SPMIP2: variants seen among roughly 807,000 people sequenced by gnomAD.
The protein encoded by SPMIP2 is protein SPMIP2.
the SPMIP2 span, among the ~76,000 whole-genome samples, chr4:158,928,224 A>C: frequency 6.6e-6 from 1 of 152,214 alleles, no homozygotes; most frequent in African/African-American, 2.4e-5. Flanking sequence ...TAAATACACC[A>C]GTCAGCACAC....
chr4:158,957,675 T>G, the SPMIP2 span, among the ~76,000 whole-genome samples: 1 of 152,176 alleles, frequency 6.6e-6, no homozygotes, highest in African/African-American at 2.4e-5. Flanking sequence ...ATCACCCACC[T>G]TGGCCTCCCA....
chr4:159,078,247 T>C, the SPMIP2 span, among the ~76,000 whole-genome samples: 2 of 152,338 alleles, frequency 1.3e-5, no homozygotes, highest in Non-Finnish European at 2.9e-5. Flanking sequence ...GCACCAAAGC[T>C]TGCTCTGAGA....
At chr4:159,003,567 G>A in the SPMIP2 span, among the ~76,000 whole-genome samples, 49 of 152,208 alleles carry the variant, frequency 3.2e-4, no homozygotes, top group Non-Finnish European at 2.8e-4. Flanking sequence ...ATTGTAGGCT[G>A]TACAGTACGG....
At chr4:158,921,104 C>T in the SPMIP2 span, among the ~76,000 whole-genome samples, 2 of 151,970 alleles carry the variant, frequency 1.3e-5, no homozygotes, top group South Asian at 4.2e-4. Flanking sequence ...GATAATCCCC[C>T]TAGTGCTGTC....
At chr4:159,060,839 CTT>C in the SPMIP2 span, among the ~76,000 whole-genome samples, 1 of 152,140 alleles carries the variant, frequency 6.6e-6, no homozygotes, top group Non-Finnish European at 1.5e-5. Context: ...AGTGCCAGCA[CTT>C]TGGGAGGCCG....
At chr4:158,930,894 G>A in the SPMIP2 span, among the ~76,000 whole-genome samples, 3 of 151,842 alleles carry the variant, frequency 2.0e-5, no homozygotes, top group African/African-American at 7.3e-5. Context: ...GTTTGACTGT[G>A]ATGAATCTTT....
the SPMIP2 span, among the ~76,000 whole-genome samples, chr4:159,013,386 C>T: frequency 6.6e-6 from 1 of 152,190 alleles, no homozygotes; most frequent in Non-Finnish European, 1.5e-5. Flanking sequence ...TAAGAAAATA[C>T]CACAGACTGG....
chr4:158,964,191 AAAC>A, the SPMIP2 span, among the ~76,000 whole-genome samples: 1 of 144,652 alleles, frequency 6.9e-6, no homozygotes, highest in African/African-American at 2.5e-5. Context: ...ACAAAACAAA[AAAC>A]ATGTGGAGGG....
the SPMIP2 span, among the ~76,000 whole-genome samples, chr4:159,040,606 G>A: frequency 2.0e-5 from 3 of 151,956 alleles, no homozygotes; most frequent in African/African-American, 7.3e-5. Context: ...GCTGAGATTA[G>A]AGGTGTGTAC....
chr4:159,070,278 A>C, the SPMIP2 span, among the ~76,000 whole-genome samples: 1 of 152,238 alleles, frequency 6.6e-6, no homozygotes, highest in South Asian at 2.1e-4. Context: ...GAATACAGTG[A>C]AGTCAGAAAA....
At chr4:159,054,230 G>A in the SPMIP2 span, among the ~76,000 whole-genome samples, 176 of 152,150 alleles carry the variant, frequency 1.2e-3, no homozygotes, top group African/African-American at 4.0e-3. Flanking sequence ...TGAACCTCCC[G>A]CCTTGACCTC....
the SPMIP2 span, among the ~76,000 whole-genome samples, chr4:159,050,377 T>A: frequency 1.4e-5 from 2 of 141,006 alleles, no homozygotes; most frequent in Admixed American, 7.5e-5. Flanking sequence ...CATGATAGTG[T>A]GAGTATAATA....
chr4:158,946,452 C>T, the SPMIP2 span, among the ~76,000 whole-genome samples: 4 of 152,096 alleles, frequency 2.6e-5, no homozygotes, highest in African/African-American at 9.7e-5. Context: ...ATCATGGGGG[C>T]GGTTTCCCCC....
At chr4:159,050,052 G>A in the SPMIP2 span, among the ~76,000 whole-genome samples, 1 of 152,192 alleles carries the variant, frequency 6.6e-6, no homozygotes, top group East Asian at 1.9e-4. Flanking sequence ...GCCCGTTAGT[G>A]TCAACACATA....
At chr4:158,907,063 T>G in the SPMIP2 span, 3 of 152,262 alleles carry the variant, frequency 2.0e-5, no homozygotes, top group Non-Finnish European at 4.4e-5. Flanking sequence ...CATCTTGCTT[T>G]TCCAAGCAAG....
chr4:159,082,750 A>C, the SPMIP2 span, among the ~76,000 whole-genome samples: 19 of 152,316 alleles, frequency 1.2e-4, no homozygotes, highest in East Asian at 3.3e-3. Context: ...GTAAATAATC[A>C]ATTCAATTCA....
the SPMIP2 span, among the ~76,000 whole-genome samples, chr4:159,042,295 C>T: frequency 6.6e-6 from 1 of 152,262 alleles, no homozygotes; most frequent in African/African-American, 2.4e-5. Flanking sequence ...TCTTTGCTCT[C>T]TTCGAGGCTG....
At chr4:159,019,727 C>T in the SPMIP2 span, among the ~76,000 whole-genome samples, 8,624 of 152,130 alleles carry the variant, frequency 0.057, 337 homozygotes, top group East Asian at 0.18. Context: ...CAGAGTGTGG[C>T]TGTGGCAGGA....
At chr4:159,001,609 T>C in the SPMIP2 span, among the ~76,000 whole-genome samples, 1 of 152,228 alleles carries the variant, frequency 6.6e-6, no homozygotes, top group Non-Finnish European at 1.5e-5. Flanking sequence ...TGGTTTTCTA[T>C]TCCTGCATTA....
Sources: allele counts gnomAD v4.1 joint callset (sites outside exome capture counted in the v4.1 genomes callset), GRCh38; gene constraint gnomAD v4.1.1; transcripts MANE v1.5; gene names NCBI Gene and HGNC (gene_info 2026-07-23, HGNC 2026-07-21).